Variants in DPY19L1 observed in about 807,000 individuals in gnomAD.
DPY19L1 encodes the protein dpy-19 like C-mannosyltransferase 1, also known as protein C-mannosyl-transferase DPY19L1.
Under a neutral mutation model 96.9 loss-of-function variants are expected in DPY19L1, and 35 were observed. The ratio of observed to expected loss-of-function variants is 0.36; its 90% CI spans 0.28 to 0.48. The LOEUF is 0.48. Ranked by LOEUF, DPY19L1 falls within the 20% of genes least tolerant of loss-of-function variation. The pLI, the probability that DPY19L1 is intolerant of heterozygous loss-of-function variation, is 0.99. For synonymous variants in DPY19L1, 205 were observed against 252.6 expected (o/e 0.81, Z 1.79); for missense variants, 521 against 777.9 (o/e 0.67, Z 3.93).
intron 6 of DPY19L1, among the ~76,000 whole-genome samples, chr7:35,009,899 T>C (rs1000671388): frequency 2.6e-5 from 4 of 152,158 alleles, no homozygotes; most frequent in African/African-American, 9.7e-5. Context: ...TAACAATATA[T>C]GGAATATATA....
At chr7:35,015,310 T>C (rs1785817201) in intron 3 of DPY19L1, among the ~76,000 whole-genome samples, 1 of 152,216 alleles carries the variant, frequency 6.6e-6, no homozygotes, top group African/African-American at 2.4e-5. Flanking sequence ...ATATCCCTAG[T>C]GGACTATATC....
At chr7:34,993,027 G>A (rs1175978742) in intron 6 of DPY19L1, among the ~76,000 whole-genome samples, 1 of 152,154 alleles carries the variant, frequency 6.6e-6, no homozygotes, top group Non-Finnish European at 1.5e-5. Flanking sequence ...CACACTTTGT[G>A]CTTGAATAAA....
At chr7:34,951,346 G>C (rs947645691) in intron 13 of DPY19L1, among the ~76,000 whole-genome samples, 8 of 151,888 alleles carry the variant, frequency 5.3e-5, no homozygotes, top group Non-Finnish European at 1.2e-4. Flanking sequence ...CATTATCCTT[G>C]AACACAAGTG....
In DPY19L1 at chr7:34,930,781, TAC is replaced by T. The variant is rs957820782; in HGVS notation, c.*790_*791del. On this transcript the variant is annotated 3_prime_UTR_variant, in exon 22 of 22. Transcript: ENST00000638088. The stretch of plus-strand genomic sequence containing the variant: ...TGAATAATGCTAAAAATGAGAAAAA[TAC>T]AGTTACCATTAATTTTTTTTAAAAC... 3.9e-5 allele frequency: 6 copies of T among 151,994 alleles called. No individual in the cohort carries two copies. The highest frequency in any genetic ancestry group is 7.3e-5 in the African/African-American group (3 of 41,370). The allele number at this position is 151,994 out of a possible 1,614,324, so 9.4% of individuals were successfully genotyped here.
intron 20 of DPY19L1, 175 bp downstream of exon 20, chr7:34,939,100 CT>C (rs1783935842): frequency 1.9e-6 from 1 of 521,716 alleles, no homozygotes. Flanking sequence ...CCCTGTGAAG[CT>C]TTAACGGATT....
intron 10 of DPY19L1, among the ~76,000 whole-genome samples, chr7:34,962,200 T>C (rs895618349): frequency 3.3e-5 from 5 of 152,244 alleles, no homozygotes; most frequent in Non-Finnish European, 7.3e-5. Flanking sequence ...CAACAAGTTA[T>C]TCAATAGGCA....
rs1308552369 is a variant in DPY19L1 at position 35,028,640 on chromosome 7, C to T, written c.298+8457G>A. 6.6e-5 allele frequency among the ~76,000 whole-genome samples: 10 copies of T among 152,088 alleles called. No individual in the cohort carries two copies. The East Asian group carries it at 1.3e-3, about 21-fold the overall frequency. On this transcript the variant is annotated intron_variant, in intron 1 of 21. Transcript: ENST00000638088. ...ATCTTGCAAAAGAAAGAATTCCGGG[C>T]GAGTCCAAAGCAAGTTCATTCAGTA...
intron 7 of DPY19L1, among the ~76,000 whole-genome samples, chr7:34,988,456 A>G (rs531145917): frequency 2.6e-5 from 4 of 151,680 alleles, no homozygotes; most frequent in East Asian, 3.9e-4. Flanking sequence ...AACACATACT[A>G]TACCAATTAA....
chr7:34,962,747 C>G (rs559930935), intron 10 of DPY19L1, among the ~76,000 whole-genome samples: 1 of 151,904 alleles, frequency 6.6e-6, no homozygotes, highest in Non-Finnish European at 1.5e-5. Flanking sequence ...TGAGGCCTAA[C>G]GTAAACTACG....
chr7:35,014,391 T>C (rs558158744), intron 3 of DPY19L1, among the ~76,000 whole-genome samples: 5 of 143,502 alleles, frequency 3.5e-5, no homozygotes, highest in African/African-American at 5.0e-5. Context: ...TGAAATAATA[T>C]GTGAGACAAA....
At chr7:35,033,203 C>T (rs1051222956) in intron 1 of DPY19L1, among the ~76,000 whole-genome samples, 1 of 152,220 alleles carries the variant, frequency 6.6e-6, no homozygotes, top group Non-Finnish European at 1.5e-5. Flanking sequence ...TTCTGTTCGG[C>T]TGACATCTTT....
At chr7:34,997,417 C>T (rs1214050222) in intron 6 of DPY19L1, among the ~76,000 whole-genome samples, 5 of 134,374 alleles carry the variant, frequency 3.7e-5, no homozygotes, top group African/African-American at 1.4e-4. Flanking sequence ...ATGGTGAAAC[C>T]CCGTCTCTAC....
intron 2 of DPY19L1, among the ~76,000 whole-genome samples, 165 bp downstream of exon 2, chr7:35,018,407 C>G (rs1043125434): frequency 6.6e-6 from 1 of 152,058 alleles, no homozygotes; most frequent in African/African-American, 2.4e-5. Context: ...TTATATTATT[C>G]TGACCCTGAT....
At chr7:34,976,067 G>A (rs62461954) in intron 7 of DPY19L1, among the ~76,000 whole-genome samples, 29,842 of 152,086 alleles carry the variant, frequency 0.2, 3,306 homozygotes, top group Admixed American at 0.35. Flanking sequence ...TCAACTTTCA[G>A]GTCTTATTAT....
intron 13 of DPY19L1, among the ~76,000 whole-genome samples, chr7:34,952,704 G>C (rs1233051733): frequency 1.3e-5 from 2 of 152,010 alleles, no homozygotes; most frequent in African/African-American, 2.4e-5. Flanking sequence ...GTTTATCCCA[G>C]GATACAAACT....
At position 34,931,580 on chromosome 7, in the gene DPY19L1, T is replaced by G. The variant is rs200752794; in HGVS notation, c.2240A>C (p.Lys747Thr). 1 of 1,533,700 alleles carries G rather than the reference T, an allele frequency of 6.5e-7. No individual in the cohort carries two copies. Among genetic ancestry groups the G allele is most frequent in the African/African-American group, 1.4e-5 (1 of 72,090 alleles). ...CAGCAGGTCATGTAGCAGTCATTCT[T>G]TTACAACTTCTAGGACTTTGTAAAC... ...NSVYKVLEVV[K>T]E The change falls in exon 22 of 22, where the codon AAA (lysine) becomes ACA (threonine). Residue 747 changes from lysine (K) to threonine (T), a missense_variant. By Grantham distance (78) the Lys-to-Thr change is moderately conservative. Transcript: ENST00000638088.
chr7:34,937,348 A>T (rs1415401767), intron 21 of DPY19L1, among the ~76,000 whole-genome samples: 1 of 152,242 alleles, frequency 6.6e-6, no homozygotes, highest in Non-Finnish European at 1.5e-5. Flanking sequence ...GACATGGTGT[A>T]GCACAGAGAC....
In DPY19L1 at chr7:34,954,737, A is replaced by C. The variant is rs565386342; in HGVS notation, c.1281T>G (p.Leu427=). 10 of 1,568,138 alleles carry C rather than the reference A, an allele frequency of 6.4e-6. No individual in the cohort carries two copies. In the South Asian group the frequency reaches 1.1e-4, roughly 17 times the overall value. ...CAAAAATTTTAGATGTCAAGTATTTAAGTATGACAGTTCCAAATAACCAAA... is the reference window on the plus strand; with the variant it reads ...CAAAAATTTTAGATGTCAAGTATTTCAGTATGACAGTTCCAAATAACCAAA... ...GCFWLFGTVI[L]KYLTSKIFGI... is the part of the protein sequence containing the mutation. Residue 427 remains leucine, a synonymous_variant, in exon 13 of 22, where the codon CTT becomes CTG. Coordinates refer to ENST00000638088, the MANE Select transcript of DPY19L1 (RefSeq NM_001366673.1).
chr7:34,957,868 G>A, intron 11 of DPY19L1, 116 bp downstream of exon 11: 1 of 640,024 alleles, frequency 1.6e-6, no homozygotes. Context: ...AGAATATTCA[G>A]TAAGACACTT....
Sources: allele counts gnomAD v4.1 joint callset (sites outside exome capture counted in the v4.1 genomes callset), GRCh38; gene constraint gnomAD v4.1.1; transcripts MANE v1.5; gene names NCBI Gene and HGNC (gene_info 2026-07-23, HGNC 2026-07-21).